The following EYS variants were observed in gnomAD, a reference collection of about 807,000 sequenced individuals.
The protein encoded by EYS is protein eyes shut homolog.
A neutral mutation model predicts 282.1 loss-of-function variants in EYS; 250 were observed. The observed-to-expected ratio is 0.89, with a 90% CI of 0.80 to 0.98. EYS has a LOEUF of 0.98. EYS is among the 50% of genes least tolerant of loss of function. EYS has a pLI of 0.00. For missense variants in EYS, 4,016 were observed against 3,709.0 expected, an observed-to-expected ratio of 1.08 and a Z score of -2.15; for synonymous variants, 1,355 against 1,282.9, an observed-to-expected ratio of 1.06 and a Z score of -1.20.
intron 2 of EYS, among the ~76,000 whole-genome samples, chr6:65,635,701 G>A (rs1330667953): frequency 1.3e-5 from 2 of 152,160 alleles, no homozygotes; most frequent in African/African-American, 2.4e-5. Context: ...CAGGCTAGGG[G>A]GAAGAGCTAA....
chr6:64,847,832 T>A (rs1765761928), intron 19 of EYS, among the ~76,000 whole-genome samples: 1 of 152,094 alleles, frequency 6.6e-6, no homozygotes, highest in Non-Finnish European at 1.5e-5. Flanking sequence ...TTTACCTTCT[T>A]ACCCTCACTG....
intron 35 of EYS, among the ~76,000 whole-genome samples, chr6:63,913,529 C>T (rs781133656): frequency 6.6e-6 from 1 of 152,200 alleles, no homozygotes; most frequent in Non-Finnish European, 1.5e-5. Flanking sequence ...GGCAACTACT[C>T]ATCTATTTTC....
chr6:64,103,023 G>T (rs9344731), intron 31 of EYS, among the ~76,000 whole-genome samples: 1 of 152,166 alleles, frequency 6.6e-6, no homozygotes, highest in East Asian at 1.9e-4. Flanking sequence ...TTGTAGCATG[G>T]TGTAGAAGAA....
In EYS at chr6:64,595,572, T is replaced by A. The variant is rs117155826; in HGVS notation, c.3685-2263A>T. ...CCACCACAAAATCTCTTAGAGCTGA[T>A]GAACAAATTCAGTGAAATTGTAGAA... is the stretch of plus-strand genomic sequence containing the variant. On this transcript the variant is annotated intron_variant, in intron 24 of 42. Transcript: ENST00000503581. 1.1e-4 allele frequency among the ~76,000 whole-genome samples: 16 copies of A among 152,294 alleles called. 1 individual carries two copies. In the East Asian group the frequency reaches 3.1e-3, roughly 29 times the overall value.
rs1436358110 is a variant in EYS, at chr6:63,863,663, C to CTTTTTTTTT, written c.7228+522_7228+523insAAAAAAAAA. 1.1e-4 allele frequency among the ~76,000 whole-genome samples: 6 copies of CTTTTTTTTT among 55,792 alleles called. 3 individuals carry two copies. The highest frequency in any genetic ancestry group is 7.6e-5 in the Non-Finnish European group (2 of 26,222). The allele number at this position is 55,792 out of a possible 152,430, so 36.6% of individuals were successfully genotyped here. ...TTTTTCTTTTCTTTTCTTTTCTTTT[C>CTTTTTTTTT]TTTTCTTTTTTCTTTTTTTTTTTTT... On this transcript the variant is annotated intron_variant, in intron 36 of 42. Transcript: ENST00000503581.
intron 12 of EYS, among the ~76,000 whole-genome samples, chr6:65,294,200 C>T (rs541327544): frequency 9.9e-5 from 15 of 151,936 alleles, no homozygotes; most frequent in South Asian, 4.2e-4. Context: ...CTTTAAACTG[C>T]CCCCAAAAGA....
At chr6:65,337,202 G>A (rs919840168) in intron 10 of EYS, among the ~76,000 whole-genome samples, 4 of 151,482 alleles carry the variant, frequency 2.6e-5, no homozygotes, top group Admixed American at 2.6e-4. Context: ...AAGTAAGAAA[G>A]TCAAATCTAC....
At chr6:65,178,928 C>G (rs1337798715) in intron 12 of EYS, among the ~76,000 whole-genome samples, 1 of 152,084 alleles carries the variant, frequency 6.6e-6, no homozygotes, top group African/African-American at 2.4e-5. Flanking sequence ...CGCTCAACTA[C>G]ATGGAAACTG....
intron 12 of EYS, among the ~76,000 whole-genome samples, chr6:65,111,800 T>C (rs1775220775): frequency 6.6e-6 from 1 of 152,122 alleles, no homozygotes; most frequent in Admixed American, 6.6e-5. Context: ...TGATTCAAGA[T>C]TGCACCACTG....
At chr6:65,046,363 A>C (rs1773100554) in intron 13 of EYS, among the ~76,000 whole-genome samples, 1 of 151,912 alleles carries the variant, frequency 6.6e-6, no homozygotes, top group Non-Finnish European at 1.5e-5. Context: ...GTAGCAAATC[A>C]TGAGAGTAGA....
intron 22 of EYS, among the ~76,000 whole-genome samples, chr6:64,677,617 T>G (rs1769739308): frequency 6.6e-6 from 1 of 152,170 alleles, no homozygotes; most frequent in African/African-American, 2.4e-5. Flanking sequence ...TTCTTTGCAA[T>G]TAGAAAATAT....
intron 34 of EYS, among the ~76,000 whole-genome samples, chr6:63,996,899 A>G (rs1436808327): frequency 1.3e-5 from 2 of 152,126 alleles, no homozygotes; most frequent in Non-Finnish European, 2.9e-5. Context: ...AAAACCTCCA[A>G]ATTAATACAG....
chr6:64,451,230 C>A (rs1562002535), intron 26 of EYS, among the ~76,000 whole-genome samples: 1 of 152,152 alleles, frequency 6.6e-6, no homozygotes, highest in Non-Finnish European at 1.5e-5. Flanking sequence ...ACTATAAACA[C>A]CTCTATGCAA....
intron 22 of EYS, among the ~76,000 whole-genome samples, chr6:64,775,324 A>G (rs1773646038): frequency 6.6e-6 from 1 of 151,932 alleles, no homozygotes; most frequent in African/African-American, 2.4e-5. Flanking sequence ...AAGGCTGTTC[A>G]TATAGTTAAT....
intron 1 of EYS, among the ~76,000 whole-genome samples, chr6:65,652,006 T>C (rs1378095076): frequency 6.6e-6 from 1 of 151,976 alleles, no homozygotes; most frequent in Non-Finnish European, 1.5e-5. Flanking sequence ...CTCACTTTGA[T>C]GGTATTAGAC....
At chr6:64,424,616 C>T (rs1480885082) in intron 28 of EYS, among the ~76,000 whole-genome samples, 1 of 152,166 alleles carries the variant, frequency 6.6e-6, no homozygotes, top group Non-Finnish European at 1.5e-5. Flanking sequence ...TCTTCCCGTG[C>T]TAATTTTCTC....
intron 19 of EYS, among the ~76,000 whole-genome samples, chr6:64,835,657 A>G (rs1438839924): frequency 6.6e-6 from 1 of 151,600 alleles, no homozygotes; most frequent in Non-Finnish European, 1.5e-5. Context: ...ATAATATACA[A>G]CCTCTTGAAG....
rs760475322 is a variant in EYS, at chr6:65,335,098, A to G, written c.1648T>C (p.Tyr550His). 1.2e-6 allele frequency: 2 copies of G among 1,612,072 alleles called. No homozygotes were observed. Among genetic ancestry groups the G allele is most frequent in the Non-Finnish European group, 1.7e-6 (2 of 1,178,864 alleles). ...CATCTGAGAAAACATAGATACCGAT[A>G]TTCCTGACTGTCTTCTTCACTCAAA... ...SCLSEEDSQE[Y>H]RYLCFLRWAG... The change falls in exon 11 of 43, where the codon TAT becomes CAT. Residue 550 changes from tyrosine to histidine, a missense_variant. Transcript: ENST00000503581.
At chr6:63,878,948 G>A (rs2149717225) in intron 35 of EYS, among the ~76,000 whole-genome samples, 1 of 152,252 alleles carries the variant, frequency 6.6e-6, no homozygotes, top group South Asian at 2.1e-4. Context: ...GCCCTGCCCT[G>A]CTCCATGGGC....
Sources: allele counts gnomAD v4.1 joint callset (sites outside exome capture counted in the v4.1 genomes callset), GRCh38; gene constraint gnomAD v4.1.1; transcripts MANE v1.5; gene names NCBI Gene and HGNC (gene_info 2026-07-23, HGNC 2026-07-21).